ADAM12: variants seen among roughly 807,000 people sequenced by gnomAD.
The protein encoded by ADAM12 is ADAM metallopeptidase domain 12, also known as disintegrin and metalloproteinase domain-containing protein 12.
Under a neutral mutation model 106.4 loss-of-function variants are expected in ADAM12, and 70 were observed. The observed-to-expected ratio is 0.66, with a 90% CI of 0.54 to 0.80. The LOEUF (loss-of-function observed/expected upper bound fraction) is 0.80. ADAM12 is among the 30% of genes least tolerant of loss of function. ADAM12 has a pLI of 0.00. For missense variants in ADAM12, 1,010 were observed against 1,171.9 expected (o/e 0.86, Z 2.02); for synonymous variants, 420 against 433.5 (o/e 0.97, Z 0.39).
In ADAM12 at chr10:126,160,281, C is replaced by A. The variant is rs116439620; in HGVS notation, c.261-4976G>T. On this transcript the variant is annotated intron_variant, in intron 3 of 22. Transcript: ENST00000448723. ...AATACATTTGTTTATTAGCTAGATT[C>A]AACTATCTCCTTCAAAACAACATGG... 5.0e-3 allele frequency among the ~76,000 whole-genome samples: 766 copies of A among 152,250 alleles called. 6 individuals are homozygous for A. Among genetic ancestry groups the A allele is most frequent in the African/African-American group, 0.018 (738 of 41,540 alleles).
chr10:126,031,444 C>T (rs973554682), intron 21 of ADAM12, among the ~76,000 whole-genome samples: 11 of 152,184 alleles, frequency 7.2e-5, no homozygotes, highest in South Asian at 2.1e-4. Context: ...TGGACTTAAC[C>T]TCTGAACTGG....
chr10:126,080,476 G>A lies in ADAM12; in HGVS notation c.1146-8822C>T, dbSNP rs149971861. 2.6e-3 allele frequency among the ~76,000 whole-genome samples: 399 copies of A among 152,270 alleles called. 2 individuals are homozygous for A. Among genetic ancestry groups the A allele is most frequent in the African/African-American group, 9.0e-3 (373 of 41,554 alleles). ...ACTCAGGAAAGAAGCCCTTTAGCAC[G>A]ATCCTTTCCCTTGGCGTGAGAATGC... On this transcript the variant is annotated intron_variant, in intron 11 of 22. Coordinates refer to ENST00000448723, the MANE Select transcript of ADAM12 (RefSeq NM_001288973.2).
intron 18 of ADAM12, among the ~76,000 whole-genome samples, chr10:126,040,234 G>T (rs1267714619): frequency 6.6e-6 from 1 of 152,178 alleles, no homozygotes; most frequent in African/African-American, 2.4e-5. Context: ...ACTTAGAGGA[G>T]GTCTACCTGT....
Position 126,254,094 on chromosome 10 carries a change from C to T in ADAM12, c.260+24821G>A, listed in dbSNP as rs1008827840. Among the ~76,000 whole-genome samples, 20 of 152,212 alleles carry T rather than the reference C, an allele frequency of 1.3e-4. 1 individual carries two copies. Among genetic ancestry groups the T allele is most frequent in the Admixed American group, 3.9e-4 (6 of 15,280 alleles). On this transcript the variant is annotated intron_variant, in intron 3 of 22. Coordinates refer to ENST00000448723, the MANE Select transcript of ADAM12 (RefSeq NM_001288973.2). Reference sequence around the variant, plus strand: ...CCAGTCCCCTCCTGGGCAGCACTGTCCATCTTCCCAGCTCATCCCTTCCTT... The same window carrying T: ...CCAGTCCCCTCCTGGGCAGCACTGTTCATCTTCCCAGCTCATCCCTTCCTT...
chr10:126,093,786 C>T (rs902050038), intron 11 of ADAM12, among the ~76,000 whole-genome samples, 199 bp downstream of exon 11: 2 of 152,236 alleles, frequency 1.3e-5, no homozygotes, highest in African/African-American at 4.8e-5. Flanking sequence ...CTTGTACACA[C>T]CATGTAGCAT....
chr10:126,383,168 T>C (rs1408893259), intron 1 of ADAM12, among the ~76,000 whole-genome samples: 1 of 152,000 alleles, frequency 6.6e-6, no homozygotes, highest in African/African-American at 2.4e-5. Flanking sequence ...GCTCACTATA[T>C]TACCCAGGCT....
chr10:126,288,858 G>C (rs559930315), intron 2 of ADAM12, among the ~76,000 whole-genome samples: 1 of 151,196 alleles, frequency 6.6e-6, no homozygotes, highest in South Asian at 2.1e-4. Context: ...GTGGCCCAGG[G>C]GAAAGGATCA....
intron 1 of ADAM12, among the ~76,000 whole-genome samples, chr10:126,380,898 C>T (rs749657414): frequency 1.1e-4 from 17 of 152,140 alleles, no homozygotes; most frequent in African/African-American, 2.7e-4. Context: ...AAATCATGGA[C>T]GCTGCAGAAA....
chr10:126,315,145 G>T (rs1853813934), intron 2 of ADAM12, among the ~76,000 whole-genome samples: 1 of 152,204 alleles, frequency 6.6e-6, no homozygotes, highest in Non-Finnish European at 1.5e-5. Context: ...TCAATTCTAT[G>T]TGTGCTGAAA....
chr10:126,128,794 C>T (rs56289572), intron 5 of ADAM12, among the ~76,000 whole-genome samples: 5,220 of 59,518 alleles, frequency 0.088, 236 homozygotes, highest in East Asian at 0.26. Flanking sequence ...GTGCGCGTGT[C>T]GGAATGTGTG....
intron 6 of ADAM12, among the ~76,000 whole-genome samples, chr10:126,112,853 T>C (rs190070684): frequency 1.8e-3 from 271 of 152,134 alleles, no homozygotes; most frequent in South Asian, 3.5e-3. Flanking sequence ...CTCATATTCC[T>C]GAAACCCAGT....
chr10:126,021,924 C>T (rs1399647296), intron 21 of ADAM12, among the ~76,000 whole-genome samples: 1 of 152,168 alleles, frequency 6.6e-6, no homozygotes, highest in Admixed American at 6.5e-5. Context: ...ATCAAGCTCC[C>T]CTTCCTATAG....
intron 3 of ADAM12, among the ~76,000 whole-genome samples, chr10:126,267,422 G>A (rs1018022160): frequency 1.3e-5 from 2 of 152,124 alleles, no homozygotes; most frequent in Non-Finnish European, 2.9e-5. Context: ...TCACCATCAT[G>A]TAGAATCAGT....
Position 126,359,210 on chromosome 10 carries a change from T to G in ADAM12, c.89-28701A>C, listed in dbSNP as rs558366915. 3.9e-5 allele frequency among the ~76,000 whole-genome samples: 6 copies of G among 152,246 alleles called. No individual in the cohort carries two copies. In the South Asian group the frequency reaches 1.2e-3, roughly 32 times the overall value. ...AACACATGGGAATTCAAGATGAGAT[T>G]TGGGTGGGGACACAGCCAAACCCTA... On this transcript the variant is annotated intron_variant, in intron 1 of 22. Coordinates refer to ENST00000448723, the MANE Select transcript of ADAM12 (RefSeq NM_001288973.2).
intron 2 of ADAM12, among the ~76,000 whole-genome samples, chr10:126,286,244 T>C (rs1463649126): frequency 6.6e-6 from 1 of 152,116 alleles, no homozygotes; most frequent in Non-Finnish European, 1.5e-5. Context: ...GCCCTGATTC[T>C]GAGGGTGAAT....
At chr10:126,273,628 G>A (rs1052224069) in intron 3 of ADAM12, among the ~76,000 whole-genome samples, 3 of 152,280 alleles carry the variant, frequency 2.0e-5, no homozygotes, top group Middle Eastern at 3.4e-3. Flanking sequence ...CCAGCCTGGC[G>A]TGTCTGTTCC....
intron 21 of ADAM12, among the ~76,000 whole-genome samples, chr10:126,021,649 G>A (rs899900569): frequency 9.7e-6 from 1 of 103,574 alleles, no homozygotes; most frequent in African/African-American, 2.8e-5. Flanking sequence ...GTGCCCAAGA[G>A]CACGGATTGT....
chr10:126,099,889 C>G (rs1310588756), intron 9 of ADAM12, among the ~76,000 whole-genome samples: 1 of 151,996 alleles, frequency 6.6e-6, no homozygotes, highest in Non-Finnish European at 1.5e-5. Flanking sequence ...CACATGACAA[C>G]AAAAGAATAA....
At chr10:126,103,513 A>T (rs1955706677) in intron 8 of ADAM12, among the ~76,000 whole-genome samples, 1 of 152,238 alleles carries the variant, frequency 6.6e-6, no homozygotes, top group Admixed American at 6.5e-5. Flanking sequence ...TCTATTTTAT[A>T]GTCAAAGACA....
Sources: allele counts gnomAD v4.1 joint callset (sites outside exome capture counted in the v4.1 genomes callset), GRCh38; gene constraint gnomAD v4.1.1; transcripts MANE v1.5; gene names NCBI Gene and HGNC (gene_info 2026-07-23, HGNC 2026-07-21).